CACNA1D: variants seen among roughly 807,000 people sequenced by gnomAD.
CACNA1D encodes voltage-dependent L-type calcium channel subunit alpha-1D.
CACNA1D carries 55 observed loss-of-function variants against 257.1 expected under a neutral mutation model. That is an observed-to-expected ratio of 0.21 (90% CI 0.17 to 0.27). CACNA1D has a LOEUF of 0.27. Among genes scored for constraint, CACNA1D ranks in the 10% least tolerant of loss-of-function variants. CACNA1D has a pLI of 1.00. For synonymous variants in CACNA1D, 980 were observed against 1,014.9 expected (o/e 0.97, Z 0.65); for missense variants, 1,876 against 2,784.0 (o/e 0.67, Z 7.34).
At chr3:53,588,826 A>T (rs1226233549) in intron 3 of CACNA1D, among the ~76,000 whole-genome samples, 3 of 152,232 alleles carry the variant, frequency 2.0e-5, no homozygotes, top group Non-Finnish European at 4.4e-5. Flanking sequence ...TGAACTATCA[A>T]TAACTGTAAC....
intron 27 of CACNA1D, among the ~76,000 whole-genome samples, chr3:53,750,907 A>G (rs1000138909): frequency 5.9e-5 from 9 of 152,142 alleles, no homozygotes; most frequent in Admixed American, 3.9e-4. Flanking sequence ...CAGAGGGTGG[A>G]CCAGCCCCAC....
Position 53,809,737 on chromosome 3 carries a change from C to T in CACNA1D, c.5872-241C>T, listed in dbSNP as rs537843982. The T allele has an allele frequency of 2.7e-4, 154 of 571,476 alleles. No homozygotes were observed. In the African/African-American group the frequency reaches 2.8e-3, roughly 10 times the overall value. 35.4% of individuals were successfully genotyped at this position (571,476 alleles called of 1,614,324 possible). On this transcript the variant is annotated intron_variant, in intron 46 of 47. Transcript: ENST00000350061. ...TTTCATGAATTAGCAACTGATACCT[C>T]CTTGGGAAAAGCCAAAGGAAATGCA... is the stretch of plus-strand genomic sequence containing the variant.
intron 3 of CACNA1D, among the ~76,000 whole-genome samples, chr3:53,512,012 CTG>C (rs2091133400): frequency 6.6e-6 from 1 of 152,084 alleles, no homozygotes; most frequent in South Asian, 2.1e-4. Flanking sequence ...TAATGAAACA[CTG>C]TTTATATTTA....
intron 5 of CACNA1D, among the ~76,000 whole-genome samples, chr3:53,660,654 G>A (rs780396871): frequency 4.6e-5 from 7 of 151,896 alleles, no homozygotes; most frequent in Non-Finnish European, 8.8e-5. Flanking sequence ...GTTTGTGGAT[G>A]AGGGTGTTGG....
chr3:53,562,264 A>G (rs2092753576), intron 3 of CACNA1D, among the ~76,000 whole-genome samples: 1 of 152,114 alleles, frequency 6.6e-6, no homozygotes, highest in African/African-American at 2.4e-5. Flanking sequence ...CCCACCAAAA[A>G]TGTTTATAGA....
At position 53,800,996 on chromosome 3, in the gene CACNA1D, C is replaced by T; in HGVS notation, c.5041-62C>T. 1 of 1,563,442 alleles carries T rather than the reference C, an allele frequency of 6.4e-7. No homozygotes were observed. The highest frequency in any genetic ancestry group is 2.2e-5 in the East Asian group (1 of 44,632). On this transcript the variant is annotated intron_variant, in intron 41 of 47. Coordinates refer to ENST00000350061, the MANE Select transcript of CACNA1D (RefSeq NM_001128840.3). This position sits in a 1 kb window ranked among gnomAD's most constrained non-coding sequence, Gnocchi z 4.3. ...TTTTCATGTAGAAAAAGTTACCTAACATAGCTAGTCTGCATCAAATACTTG... is the reference window on the plus strand; with the variant it reads ...TTTTCATGTAGAAAAAGTTACCTAATATAGCTAGTCTGCATCAAATACTTG...
rs1576463060 is a variant in CACNA1D, at chr3:53,723,230, C to T, written c.1667-204C>T. ...AACTTCTCCAGAGTCACACACATAG[C>T]TAGTAGCAGAAGCAGGACCAGAACC... On this transcript the variant is annotated intron_variant, in intron 12 of 47. Coordinates refer to ENST00000350061, the MANE Select transcript of CACNA1D (RefSeq NM_001128840.3). The surrounding 1 kb of genome is among the most constrained non-coding windows in gnomAD (Gnocchi z 5.6). Among the ~76,000 whole-genome samples the T allele has an allele frequency of 6.6e-6, 1 of 152,242 alleles. No homozygotes were observed. Among genetic ancestry groups the T allele is most frequent in the East Asian group, 1.9e-4 (1 of 5,172 alleles).
chr3:53,648,277 G>C (rs2094044213), intron 3 of CACNA1D, among the ~76,000 whole-genome samples: 1 of 152,028 alleles, frequency 6.6e-6, no homozygotes, highest in African/African-American at 2.4e-5. Context: ...TAGCTTCTCT[G>C]GTTCCCTTAG....
At chr3:53,510,182 A>G (rs1345436580) in intron 3 of CACNA1D, among the ~76,000 whole-genome samples, 1 of 152,090 alleles carries the variant, frequency 6.6e-6, no homozygotes, top group Non-Finnish European at 1.5e-5. Flanking sequence ...TACCTACCCA[A>G]CTCCTTCTAA....
At chr3:53,511,200 T>G (rs948737056) in intron 3 of CACNA1D, among the ~76,000 whole-genome samples, 2 of 152,204 alleles carry the variant, frequency 1.3e-5, no homozygotes, top group Non-Finnish European at 2.9e-5. Context: ...TGTGCCCTTC[T>G]TATTTCCGAA....
chr3:53,692,468 G>T (rs1159316959), intron 8 of CACNA1D, among the ~76,000 whole-genome samples: 2 of 152,174 alleles, frequency 1.3e-5, no homozygotes, highest in Non-Finnish European at 2.9e-5. Flanking sequence ...AGAGTACACA[G>T]TTCAAGGGGG....
intron 8 of CACNA1D, among the ~76,000 whole-genome samples, chr3:53,677,032 G>C (rs2094383530): frequency 6.6e-6 from 1 of 152,122 alleles, no homozygotes; most frequent in African/African-American, 2.4e-5. Context: ...TATTACACGT[G>C]GTCTTCTAGA....
chr3:53,549,946 T>C (rs182885498), intron 3 of CACNA1D, among the ~76,000 whole-genome samples: 48 of 152,188 alleles, frequency 3.2e-4, no homozygotes, highest in African/African-American at 1.2e-3. Flanking sequence ...AAGGATCATG[T>C]GTTCTCTTGA....
intron 29 of CACNA1D, among the ~76,000 whole-genome samples, chr3:53,761,664 T>C (rs373813284): frequency 6.6e-6 from 1 of 152,320 alleles, no homozygotes; most frequent in East Asian, 1.9e-4. Context: ...ATCATCCCTC[T>C]GGGTACCAGG....
At chr3:53,738,659 G>T (rs965382139) in intron 20 of CACNA1D, among the ~76,000 whole-genome samples, 1 of 152,090 alleles carries the variant, frequency 6.6e-6, no homozygotes, top group East Asian at 1.9e-4. Flanking sequence ...ACCCAAAAAT[G>T]TTACCGTTCT....
chr3:53,666,075 C>G (rs1453801229), intron 6 of CACNA1D, among the ~76,000 whole-genome samples: 1 of 150,658 alleles, frequency 6.6e-6, no homozygotes, highest in Non-Finnish European at 1.5e-5. Flanking sequence ...GGCAAACCAA[C>G]AGCATTGTGC....
chr3:53,595,303 G>A (rs1197539771), intron 3 of CACNA1D, among the ~76,000 whole-genome samples: 3 of 152,186 alleles, frequency 2.0e-5, no homozygotes, highest in Admixed American at 1.3e-4. Context: ...GGAGGACCAG[G>A]TGGACAGCAT....
intron 3 of CACNA1D, among the ~76,000 whole-genome samples, chr3:53,617,272 C>G (rs1282861244): frequency 6.6e-6 from 1 of 152,066 alleles, no homozygotes; most frequent in African/African-American, 2.4e-5. Flanking sequence ...CAATTCTCTC[C>G]AAAGCCCTCC....
chr3:53,507,924 C>T (rs1240397474), intron 3 of CACNA1D, among the ~76,000 whole-genome samples: 1 of 152,108 alleles, frequency 6.6e-6, no homozygotes, highest in Non-Finnish European at 1.5e-5. Flanking sequence ...AATTTATAAA[C>T]TCAGTTAACC....
Sources: allele counts gnomAD v4.1 joint callset (sites outside exome capture counted in the v4.1 genomes callset), GRCh38; gene constraint gnomAD v4.1.1; non-coding constraint Gnocchi (gnomAD v3.1); transcripts MANE v1.5; gene names NCBI Gene and HGNC (gene_info 2026-07-23, HGNC 2026-07-21).